The following CPNE8 variants were observed in gnomAD, a reference collection of about 807,000 sequenced individuals.
The protein encoded by CPNE8 is copine 8.
In CPNE8, 45 loss-of-function variants were observed where a neutral mutation model predicts 81.5. The ratio of observed to expected loss-of-function variants is 0.55; its 90% confidence interval spans 0.44 to 0.71. CPNE8 has a LOEUF of 0.71. Ranked by LOEUF, CPNE8 falls within the 30% of genes least tolerant of loss-of-function variation. CPNE8 has a pLI of 0.00. For missense variants in CPNE8, 594 were observed against 672.1 expected (o/e 0.88, Z 1.28); for synonymous variants, 252 against 226.3 (o/e 1.11, Z -1.02).
At chr12:38,684,886 A>C (rs1170891502) in intron 16 of CPNE8, among the ~76,000 whole-genome samples, 1 of 152,192 alleles carries the variant, frequency 6.6e-6, no homozygotes, top group Non-Finnish European at 1.5e-5. Context: ...CTAACGAAAA[A>C]ATGATAAGTA....
chr12:38,664,365 A>G (rs893742642), intron 19 of CPNE8, among the ~76,000 whole-genome samples: 2 of 152,120 alleles, frequency 1.3e-5, no homozygotes, highest in Non-Finnish European at 2.9e-5. Context: ...TATGTATTAT[A>G]TATGAAAGCC....
At chr12:38,786,251 T>A (rs1942184515) in intron 6 of CPNE8, among the ~76,000 whole-genome samples, 1 of 152,188 alleles carries the variant, frequency 6.6e-6, no homozygotes, top group Non-Finnish European at 1.5e-5. Flanking sequence ...AGTGTCAACT[T>A]GATTGGATTG....
chr12:38,663,651 T>C (rs1939005693), intron 19 of CPNE8, among the ~76,000 whole-genome samples: 1 of 152,152 alleles, frequency 6.6e-6, no homozygotes, highest in South Asian at 2.1e-4. Flanking sequence ...GAAATCAGTA[T>C]GTCAAATAAA....
chr12:38,742,673 TATAA>T (rs1555151385), intron 10 of CPNE8, among the ~76,000 whole-genome samples: 1,634 of 68,814 alleles, frequency 0.024, 28 homozygotes, highest in East Asian at 0.055. Flanking sequence ...GAACTTAAAA[TATAA>T]ATAAATAAAT....
Position 38,866,456 on chromosome 12 carries a change from AAC to A in CPNE8, c.186+6546_186+6547del, listed in dbSNP as rs1303008249. 2.6e-5 allele frequency among the ~76,000 whole-genome samples: 4 copies of A among 152,206 alleles called. No homozygotes were observed. In the East Asian group the frequency reaches 7.7e-4, roughly 29 times the overall value. On this transcript the variant is annotated intron_variant, in intron 3 of 19. Transcript: ENST00000331366. The stretch of plus-strand genomic sequence containing the variant: ...CATGCAGAATGCTTAATCAATTAGC[AAC>A]AGTTATGGCCTAAAAATTTTAAAAG...
intron 1 of CPNE8, among the ~76,000 whole-genome samples, 166 bp downstream of exon 1, chr12:38,905,271 C>T (rs1944551601): frequency 6.6e-6 from 1 of 152,204 alleles, no homozygotes; most frequent in African/African-American, 2.4e-5. Context: ...TCCCGCTCCC[C>T]TGTGTCACCT....
At chr12:38,824,352 T>C (rs1224386231) in intron 6 of CPNE8, among the ~76,000 whole-genome samples, 2 of 152,118 alleles carry the variant, frequency 1.3e-5, no homozygotes, top group Non-Finnish European at 2.9e-5. Context: ...CCATTTTACC[T>C]TCACAATAAT....
intron 3 of CPNE8, among the ~76,000 whole-genome samples, chr12:38,864,839 T>C (rs1943892348): frequency 6.6e-6 from 1 of 152,200 alleles, no homozygotes. Context: ...ATGTTATGAT[T>C]ATAAAGGATC....
At chr12:38,780,034 C>T (rs1942015356) in intron 6 of CPNE8, among the ~76,000 whole-genome samples, 1 of 152,080 alleles carries the variant, frequency 6.6e-6, no homozygotes, top group East Asian at 1.9e-4. Context: ...CCAGGAGTTT[C>T]ATTGTTTCTG....
In CPNE8 at chr12:38,904,094, G is replaced by C. The variant is rs372230697; in HGVS notation, c.98+1343C>G. ...TCAGTTTGTGAAAATGCAAAGTCAA[G>C]ATTGATGGAATTTTAAACTTATTTA... is the stretch of plus-strand genomic sequence containing the variant. On this transcript the variant is annotated intron_variant, in intron 1 of 19. Coordinates refer to ENST00000331366, the MANE Select transcript of CPNE8 (RefSeq NM_153634.3). 9.2e-5 allele frequency among the ~76,000 whole-genome samples: 14 copies of C among 152,264 alleles called. No homozygotes were observed. In the East Asian group the frequency reaches 2.7e-3, roughly 29 times the overall value.
intron 3 of CPNE8, among the ~76,000 whole-genome samples, chr12:38,859,312 A>C (rs1565651521): frequency 6.6e-6 from 1 of 152,158 alleles, no homozygotes; most frequent in Non-Finnish European, 1.5e-5. Flanking sequence ...TGAACCATCA[A>C]AAAAGAAACT....
intron 19 of CPNE8, among the ~76,000 whole-genome samples, chr12:38,663,694 T>A (rs1591996368): frequency 6.6e-6 from 1 of 152,280 alleles, no homozygotes; most frequent in Non-Finnish European, 1.5e-5. Flanking sequence ...GCAGCATTAT[T>A]CACAATAGCC....
intron 10 of CPNE8, among the ~76,000 whole-genome samples, chr12:38,748,379 G>A (rs1400920043): frequency 2.0e-5 from 3 of 152,076 alleles, no homozygotes; most frequent in African/African-American, 4.8e-5. Context: ...GGACATCAGG[G>A]TTGTTCTATC....
intron 6 of CPNE8, among the ~76,000 whole-genome samples, chr12:38,781,228 G>A (rs574773508): frequency 9.9e-5 from 15 of 151,856 alleles, no homozygotes; most frequent in South Asian, 2.1e-4. Flanking sequence ...AGTTCAAAAG[G>A]AACTAAGACT....
intron 6 of CPNE8, among the ~76,000 whole-genome samples, chr12:38,797,302 T>C (rs987087015): frequency 6.6e-6 from 1 of 151,954 alleles, no homozygotes; most frequent in South Asian, 2.1e-4. Flanking sequence ...CACCCCCCAG[T>C]AGGGGCAGAC....
chr12:38,882,888 A>T (rs1944182129), intron 1 of CPNE8, among the ~76,000 whole-genome samples: 1 of 152,114 alleles, frequency 6.6e-6, no homozygotes, highest in Non-Finnish European at 1.5e-5. Flanking sequence ...TACCCATAGC[A>T]TTCTGTTTCC....
intron 1 of CPNE8, among the ~76,000 whole-genome samples, chr12:38,891,194 G>T (rs1170119349): frequency 6.6e-6 from 1 of 151,972 alleles, no homozygotes; most frequent in Admixed American, 6.6e-5. Flanking sequence ...GCCTCGCAAA[G>T]TGCTGCGATT....
intron 6 of CPNE8, among the ~76,000 whole-genome samples, chr12:38,798,441 G>A (rs1286512215): frequency 6.6e-6 from 1 of 151,926 alleles, no homozygotes; most frequent in Non-Finnish European, 1.5e-5. Flanking sequence ...TTCATATCCA[G>A]CCAAACTAAG....
intron 10 of CPNE8, among the ~76,000 whole-genome samples, chr12:38,736,517 A>AT (rs67618875): frequency 0.68 from 83,782 of 122,682 alleles, 23,738 homozygotes; most frequent in East Asian, 0.84. Flanking sequence ...ACGCCAAATT[A>AT]TTTTTTAAAA....
Sources: gnomAD v4.1 joint callset for allele counts (sites outside exome capture counted in the v4.1 genomes callset) on GRCh38, gnomAD v4.1.1 for gene constraint, MANE v1.5 for transcripts, NCBI Gene and HGNC (gene_info 2026-07-23, HGNC 2026-07-21) for gene names.